The following FNBP1 variants were observed in gnomAD, a reference collection of about 807,000 sequenced individuals.
FNBP1 encodes formin binding protein 1, also known as formin-binding protein 1.
Under a neutral mutation model 90.6 loss-of-function variants are expected in FNBP1, and 26 were observed. That is an observed-to-expected ratio of 0.29 (90% confidence interval 0.21 to 0.40). FNBP1 has a LOEUF of 0.40. Ranked by LOEUF, FNBP1 falls within the 10% of genes least tolerant of loss-of-function variation. The pLI is 1.00. For missense variants in FNBP1, 635 were observed against 768.0 expected, an observed-to-expected ratio of 0.83 and a Z score of 2.05; for synonymous variants, 260 against 265.2, an observed-to-expected ratio of 0.98 and a Z score of 0.19.
At chr9:129,929,300 C>G (rs1340782773) in intron 7 of FNBP1, among the ~76,000 whole-genome samples, 1 of 149,646 alleles carries the variant, frequency 6.7e-6, no homozygotes, top group South Asian at 2.1e-4. Flanking sequence ...GTCCCAGCTA[C>G]TCGGGAGGCT....
upstream of FNBP1, chr9:130,045,001 C>T (rs925823349): frequency 6.6e-6 from 1 of 151,030 alleles, no homozygotes; most frequent in African/African-American, 2.4e-5. Flanking sequence ...AAAAACAAAA[C>T]AAAAAAAAAC....
Position 129,887,968 on chromosome 9 carries a change from C to A in FNBP1, c.*2571G>T, listed in dbSNP as rs1452047122. 1 of 232,448 alleles carries A rather than the reference C, an allele frequency of 4.3e-6. No homozygotes were observed. Among genetic ancestry groups the A allele is most frequent in the Non-Finnish European group, 8.5e-6 (1 of 117,616 alleles). 14.4% of individuals were successfully genotyped at this position (232,448 alleles called of 1,614,324 possible). A position where few individuals can be genotyped will look rare whatever the true frequency, so the allele number is the denominator to read the frequency against. On this transcript the variant is annotated 3_prime_UTR_variant, in exon 17 of 17. Coordinates refer to ENST00000446176, the MANE Select transcript of FNBP1 (RefSeq NM_015033.3). ...TGATGATACATAGGACAACTGACCT[C>A]CTCTAAGAAGCCCGGCTGGGGCAGC... is the stretch of plus-strand genomic sequence containing the variant.
At chr9:129,955,511 T>C (rs1421291744) in intron 6 of FNBP1, among the ~76,000 whole-genome samples, 1 of 149,232 alleles carries the variant, frequency 6.7e-6, no homozygotes, top group African/African-American at 2.5e-5. Flanking sequence ...GCTGGGATTA[T>C]AGGCATGAGC....
At chr9:129,982,718 G>A (rs2051464214) in intron 2 of FNBP1, among the ~76,000 whole-genome samples, 1 of 152,120 alleles carries the variant, frequency 6.6e-6, no homozygotes, top group African/African-American at 2.4e-5. Flanking sequence ...CTAGAGTGCA[G>A]TGGCATGATC....
At chr9:129,939,318 G>A (rs1159392679) in intron 6 of FNBP1, among the ~76,000 whole-genome samples, 3 of 151,942 alleles carry the variant, frequency 2.0e-5, no homozygotes, top group Non-Finnish European at 4.4e-5. Context: ...GAACTCACGA[G>A]GCAGAGGCTG....
Position 130,031,458 on chromosome 9 carries a change from T to C in FNBP1, c.24+11494A>G, listed in dbSNP as rs1254272746. 4.6e-5 allele frequency among the ~76,000 whole-genome samples: 7 copies of C among 152,172 alleles called. No homozygotes were observed. The highest frequency in any genetic ancestry group is 2.6e-4 in the Admixed American group (4 of 15,276). On this transcript the variant is annotated intron_variant, in intron 1 of 16. Transcript: ENST00000446176. The surrounding 1 kb of genome is among the most constrained non-coding windows in gnomAD (Gnocchi z 4.2). ...AGAGCTCTGTGCCCTCCATGACCCT[T>C]TGGACATACCATTTCCTCCTTCTTT...
chr9:130,008,436 A>G (rs2131612349), intron 1 of FNBP1, among the ~76,000 whole-genome samples: 1 of 152,306 alleles, frequency 6.6e-6, no homozygotes, highest in East Asian at 1.9e-4. Flanking sequence ...AATAACTTGA[A>G]GAGGAAAAGT....
chr9:129,942,377 G>A (rs573524563), intron 6 of FNBP1, among the ~76,000 whole-genome samples: 6 of 152,184 alleles, frequency 3.9e-5, no homozygotes, highest in South Asian at 4.1e-4. Flanking sequence ...CCCCCTTTAC[G>A]TCTGACTTGG....
chr9:129,906,192 A>G (rs1588432762), intron 12 of FNBP1, among the ~76,000 whole-genome samples: 3 of 152,194 alleles, frequency 2.0e-5, no homozygotes, highest in Non-Finnish European at 1.5e-5. Context: ...CAATTTCTTA[A>G]TATTTGTTAT....
chr9:129,989,069 T>C (rs2052719429), intron 2 of FNBP1, among the ~76,000 whole-genome samples: 2 of 152,200 alleles, frequency 1.3e-5, no homozygotes, highest in South Asian at 4.1e-4. Context: ...CTTTGCACTC[T>C]CTCCCCCCAC....
Position 129,888,938 on chromosome 9 carries a change from C to G in FNBP1, c.*1601G>C, listed in dbSNP as rs544535574. 3 of 231,322 alleles carry G rather than the reference C, an allele frequency of 1.3e-5. No homozygotes were observed. In the South Asian group the frequency reaches 5.4e-4, roughly 42 times the overall value. The allele number at this position is 231,322 out of a possible 1,614,324, so 14.3% of individuals were successfully genotyped here. On this transcript the variant is annotated 3_prime_UTR_variant, in exon 17 of 17. Transcript: ENST00000446176. ...ATGCTTGAGGGGACCACCTAGTTAC[C>G]AAAGCCAAGCAAAGAATAAAGCTGC...
At chr9:129,934,931 C>G (rs1301514771) in intron 6 of FNBP1, among the ~76,000 whole-genome samples, 1 of 152,008 alleles carries the variant, frequency 6.6e-6, no homozygotes, top group Non-Finnish European at 1.5e-5. Flanking sequence ...CATTATGGAA[C>G]TAAGCCATAC....
chr9:129,978,249 C>T, intron 4 of FNBP1: 1 of 439,766 alleles, frequency 2.3e-6, no homozygotes, highest in Non-Finnish European at 4.1e-6. Context: ...TCAAACTCCT[C>T]ACTTTGTGAT....
rs1482153531 is a variant in FNBP1 at position 130,031,149 on chromosome 9, T to C, written c.24+11803A>G. ...TCCCCAGCAATCCATTTTAGCCTTATTCCACCCACATATAAACAGGTTGAG... is the reference window on the plus strand; with the variant it reads ...TCCCCAGCAATCCATTTTAGCCTTACTCCACCCACATATAAACAGGTTGAG... On this transcript the variant is annotated intron_variant, in intron 1 of 16. Transcript: ENST00000446176. The surrounding 1 kb of genome is among the most constrained non-coding windows in gnomAD (Gnocchi z 4.2). Among the ~76,000 whole-genome samples the C allele has an allele frequency of 6.6e-6, 1 of 152,174 alleles. No individual in the cohort carries two copies. The highest frequency in any genetic ancestry group is 1.5e-5 in the Non-Finnish European group (1 of 68,026).
intron 1 of FNBP1, among the ~76,000 whole-genome samples, chr9:130,038,069 A>C (rs1194949462): frequency 6.6e-6 from 1 of 152,104 alleles, no homozygotes; most frequent in African/African-American, 2.4e-5. Flanking sequence ...AATTACATAC[A>C]GTCGGCCGGG....
At position 129,965,700 on chromosome 9, in the gene FNBP1, G is replaced by GCGCGCGCA. The variant is rs1554821633; in HGVS notation, c.346-7148_346-7147insTGCGCGCG. Among the ~76,000 whole-genome samples, 3 of 93,616 alleles carry GCGCGCGCA rather than the reference G, an allele frequency of 3.2e-5. 1 individual carries two copies. Among genetic ancestry groups the GCGCGCGCA allele is most frequent in the Non-Finnish European group, 6.4e-5 (3 of 46,808 alleles). 61.4% of individuals were successfully genotyped at this position (93,616 alleles called of 152,430 possible). On this transcript the variant is annotated intron_variant, in intron 4 of 16. Transcript: ENST00000446176. ...TCTCTTAAAACACACACACACACGC[G>GCGCGCGCA]CGCGCGCGCACACACACACACACAT... is the stretch of plus-strand genomic sequence containing the variant.
intron 16 of FNBP1, 27 bp downstream of exon 16, chr9:129,895,811 T>C (rs1352734904): frequency 2.0e-6 from 3 of 1,513,050 alleles, no homozygotes; most frequent in African/African-American, 2.9e-5. Flanking sequence ...TTTTTTTTTT[T>C]ATGGTATTAA....
chr9:130,040,584 G>A (rs1777667938), intron 1 of FNBP1, among the ~76,000 whole-genome samples: 1 of 145,010 alleles, frequency 6.9e-6, no homozygotes, highest in South Asian at 2.1e-4. Flanking sequence ...TCACGCCACT[G>A]CACGCCAGCC....
chr9:130,015,736 A>G (rs2057166195), intron 1 of FNBP1, among the ~76,000 whole-genome samples: 1 of 152,178 alleles, frequency 6.6e-6, no homozygotes, highest in African/African-American at 2.4e-5. Context: ...ATGCATTGGC[A>G]CAATTTCGGC....
Sources: allele counts gnomAD v4.1 joint callset (sites outside exome capture counted in the v4.1 genomes callset), GRCh38; gene constraint gnomAD v4.1.1; non-coding constraint Gnocchi (gnomAD v3.1); transcripts MANE v1.5; gene names NCBI Gene and HGNC (gene_info 2026-07-23, HGNC 2026-07-21).